CNTN1: variants seen among roughly 807,000 people sequenced by gnomAD.
CNTN1 encodes contactin 1, also known as contactin-1.
Under a neutral mutation model 126.4 loss-of-function variants are expected in CNTN1, and 38 were observed. The ratio of observed to expected loss-of-function variants is 0.30; its 90% CI spans 0.23 to 0.39. The LOEUF is 0.39. Among genes scored for constraint, CNTN1 ranks in the 10% least tolerant of loss-of-function variants. The probability of loss-of-function intolerance (pLI) is 1.00; values close to 1 mark genes in which losing one functional copy is unlikely to be tolerated. For synonymous variants in CNTN1, 413 were observed against 422.6 expected (o/e 0.98, Z 0.28); for missense variants, 1,009 against 1,248.4 (o/e 0.81, Z 2.89).
chr12:41,037,296 T>C (rs780061344), intron 23 of CNTN1, among the ~76,000 whole-genome samples: 1 of 152,146 alleles, frequency 6.6e-6, no homozygotes, highest in Non-Finnish European at 1.5e-5. Flanking sequence ...CATAACAAAG[T>C]TTCCATCAAT....
Position 40,976,023 on chromosome 12 carries a change from G to A in CNTN1, c.1805-4886G>A, listed in dbSNP as rs576867627. On this transcript the variant is annotated intron_variant, in intron 15 of 23. Transcript: ENST00000551295. ...AGGGGGAGGTGGTGACAAGAGAGGA[G>A]TGAAGATAAAACTGTATTTATAAAA... is the stretch of plus-strand genomic sequence containing the variant. Among the ~76,000 whole-genome samples the A allele has an allele frequency of 4.6e-5, 7 of 152,214 alleles. No homozygotes were observed. The South Asian group carries it at 1.5e-3, about 32-fold the overall frequency.
intron 1 of CNTN1, among the ~76,000 whole-genome samples, chr12:40,788,173 TG>T (rs1461438817): frequency 3.9e-5 from 6 of 152,184 alleles, no homozygotes; most frequent in African/African-American, 1.4e-4. Flanking sequence ...TAATGTTATC[TG>T]CCCTGCTTCC....
intron 1 of CNTN1, among the ~76,000 whole-genome samples, chr12:40,890,579 T>C (rs1944207133): frequency 1.3e-5 from 2 of 152,200 alleles, no homozygotes; most frequent in Admixed American, 1.3e-4. Flanking sequence ...TTTTCCAGAA[T>C]GTCATATAGT....
At chr12:40,772,750 T>C (rs1028649288) in intron 1 of CNTN1, among the ~76,000 whole-genome samples, 2 of 151,892 alleles carry the variant, frequency 1.3e-5, no homozygotes, top group African/African-American at 4.8e-5. Flanking sequence ...CTGGAATCAA[T>C]GCGCCAGATA....
intron 14 of CNTN1, among the ~76,000 whole-genome samples, chr12:40,944,810 C>G (rs1271449535): frequency 6.6e-6 from 1 of 152,040 alleles, no homozygotes; most frequent in Non-Finnish European, 1.5e-5. Flanking sequence ...GGTAGGCTGT[C>G]TAGGTTACAG....
chr12:40,732,122 A>C (rs1942514971), intron 1 of CNTN1, among the ~76,000 whole-genome samples: 1 of 152,048 alleles, frequency 6.6e-6, no homozygotes, highest in African/African-American at 2.4e-5. Flanking sequence ...ATTGCTCATT[A>C]AACCATTTGC....
chr12:40,809,222 T>C (rs74331910), intron 1 of CNTN1, among the ~76,000 whole-genome samples: 1,977 of 152,340 alleles, frequency 0.013, 44 homozygotes, highest in African/African-American at 0.044. Flanking sequence ...TTTAATTTCA[T>C]AGGACAGATG....
In CNTN1 at chr12:40,959,221, C is replaced by T. The variant is rs1462513565; in HGVS notation, c.1791C>T (p.Asp597=). The T allele has an allele frequency of 3.1e-6, 5 of 1,612,446 alleles. No individual in the cohort carries two copies. Among genetic ancestry groups the T allele is most frequent in the Admixed American group, 1.7e-5 (1 of 59,832 alleles). The change falls in exon 15 of 24, where the codon GAC becomes GAT. Residue 597 remains aspartate, a synonymous_variant. Transcript: ENST00000551295. ...TGGACAATTCTTCAGCTTCAGCTGA[C>T]CTTGTAGTGAGAGGTAAGAGTTTCA... ...TIVDNSSASA[D]LVVRGPPGPP...
At chr12:40,831,530 T>G (rs1336356392) in intron 1 of CNTN1, among the ~76,000 whole-genome samples, 1 of 152,152 alleles carries the variant, frequency 6.6e-6, no homozygotes, top group African/African-American at 2.4e-5. Flanking sequence ...ATGATTAAAT[T>G]GGTTCCCCCT....
intron 5 of CNTN1, 136 bp downstream of exon 5, chr12:40,922,564 G>T (rs560747804): frequency 3.9e-6 from 3 of 774,414 alleles, no homozygotes; most frequent in Non-Finnish European, 6.7e-6. Flanking sequence ...CCCTAATTGT[G>T]TAATGGAGAC....
At chr12:40,944,884 G>C (rs771310868) in intron 14 of CNTN1, among the ~76,000 whole-genome samples, 1 of 151,938 alleles carries the variant, frequency 6.6e-6, no homozygotes, top group Non-Finnish European at 1.5e-5. Flanking sequence ...GCAAACATTT[G>C]TAAGACTAAG....
At chr12:41,015,424 C>T (rs1012318069) in intron 18 of CNTN1, among the ~76,000 whole-genome samples, 2 of 151,772 alleles carry the variant, frequency 1.3e-5, no homozygotes, top group Non-Finnish European at 2.9e-5. Flanking sequence ...AGATAGAGCC[C>T]GAGAGTTGTT....
At chr12:41,037,058 G>A (rs1281004060) in intron 23 of CNTN1, among the ~76,000 whole-genome samples, 1 of 151,924 alleles carries the variant, frequency 6.6e-6, no homozygotes, top group African/African-American at 2.4e-5. Context: ...TTCATGTTAA[G>A]AACTTTCTTT....
intron 1 of CNTN1, among the ~76,000 whole-genome samples, chr12:40,822,026 T>C (rs1282064936): frequency 6.6e-6 from 1 of 152,016 alleles, no homozygotes; most frequent in Non-Finnish European, 1.5e-5. Context: ...AATTGAAATC[T>C]TCTGTGAATT....
chr12:41,013,995 T>C (rs1455255244), intron 17 of CNTN1, among the ~76,000 whole-genome samples: 1 of 152,178 alleles, frequency 6.6e-6, no homozygotes, highest in Non-Finnish European at 1.5e-5. Context: ...GGACAGGAAA[T>C]GGGCACACTT....
chr12:41,029,248 A>G (rs763757677), intron 23 of CNTN1, 29 bp downstream of exon 23: 6 of 1,613,252 alleles, frequency 3.7e-6, no homozygotes, highest in Admixed American at 1.7e-5. Context: ...ACACATTTCA[A>G]CTAAGTACTT....
intron 5 of CNTN1, among the ~76,000 whole-genome samples, chr12:40,923,159 C>G (rs1307490509): frequency 6.6e-6 from 1 of 151,760 alleles, no homozygotes; most frequent in Non-Finnish European, 1.5e-5. Flanking sequence ...TATTTAACTT[C>G]TAATAGTAGG....
intron 1 of CNTN1, among the ~76,000 whole-genome samples, chr12:40,749,160 C>A (rs976734915): frequency 6.6e-6 from 1 of 152,044 alleles, no homozygotes; most frequent in African/African-American, 2.4e-5. Context: ...TTGTAAGAAT[C>A]ATTGAGAGAC....
At chr12:41,005,947 G>T (rs1468304939) in intron 17 of CNTN1, among the ~76,000 whole-genome samples, 1 of 152,150 alleles carries the variant, frequency 6.6e-6, no homozygotes, top group Non-Finnish European at 1.5e-5. Context: ...GCCCAGTTCA[G>T]AACCTTTGCT....
Sources: allele counts gnomAD v4.1 joint callset (sites outside exome capture counted in the v4.1 genomes callset), GRCh38; gene constraint gnomAD v4.1.1; transcripts MANE v1.5; gene names NCBI Gene and HGNC (gene_info 2026-07-23, HGNC 2026-07-21).